The following RAPSN variants were observed in gnomAD, a reference collection of about 807,000 sequenced individuals.
RAPSN encodes the protein receptor associated protein of the synapse.
A neutral mutation model predicts 45.7 loss-of-function variants in RAPSN; 33 were observed. That is an observed-to-expected ratio of 0.72 (90% CI 0.55 to 0.97). The LOEUF (loss-of-function observed/expected upper bound fraction) is 0.97, where lower values mean the gene tolerates loss of function less well. Ranked by LOEUF, RAPSN falls within the 50% of genes least tolerant of loss-of-function variation. RAPSN has a pLI of 0.00. For missense variants in RAPSN, 519 were observed against 559.4 expected (o/e 0.93, Z 0.73); for synonymous variants, 244 against 233.6 (o/e 1.04, Z -0.40).
chr11:47,438,716 C>T lies in RAPSN; in HGVS notation c.1166+16G>A, dbSNP rs377580268. The T allele has an allele frequency of 5.9e-4, 915 of 1,554,278 alleles. 1 individual carries two copies. Among genetic ancestry groups the T allele is most frequent in the Non-Finnish European group, 7.6e-4 (870 of 1,147,372 alleles). ...AGATCCTGCCCACCCCTGTCCACCC[C>T]CCCAGGAGCCCCCACCTGAGGTGGA... On this transcript the variant is annotated intron_variant, in intron 7 of 7. Transcript: ENST00000298854.
intron 2 of RAPSN, 99 bp from the exon 3 acceptor site, chr11:47,442,913 AG>A (rs2076377311): frequency 2.5e-6 from 4 of 1,575,056 alleles, no homozygotes; most frequent in Non-Finnish European, 3.4e-6. Flanking sequence ...AGGTAGGGGC[AG>A]GGGGCCCGAG....
At chr11:47,438,352 C>G (rs1171502696) in intron 7 of RAPSN, 1 of 570,762 alleles carries the variant, frequency 1.8e-6, no homozygotes, top group Non-Finnish European at 3.1e-6. Flanking sequence ...GCCTCTCTGA[C>G]TCCTCTTTGG....
chr11:47,442,515 C>A, intron 3 of RAPSN, 141 bp downstream of exon 3: 2 of 916,956 alleles, frequency 2.2e-6, no homozygotes, highest in East Asian at 2.6e-5. Flanking sequence ...GTGGTGCACG[C>A]CTTTAGAGAG....
rs1490589340 is a variant in RAPSN at position 47,441,021 on chromosome 11, G to A, written c.966+138C>T. ...TGTGTGTGGCAGAGAAAGAGCCAGA[G>A]TATGGGGTTGGCTGCAGGCAGCTCC... On this transcript the variant is annotated intron_variant, in intron 6 of 7. Transcript: ENST00000298854. 5.8e-6 allele frequency: 6 copies of A among 1,035,752 alleles called. No individual in the cohort carries two copies. In the African/African-American group the frequency reaches 6.3e-5, roughly 11 times the overall value. The allele number at this position is 1,035,752 out of a possible 1,614,324, so 64.2% of individuals were successfully genotyped here.
Position 47,442,750 on chromosome 11 carries a change from C to A in RAPSN, c.596G>T (p.Gly199Val), listed in dbSNP as rs2076375518. Residue 199 changes from glycine to valine, a missense_variant, in exon 3 of 8, where the codon GGC becomes GTC. By Grantham distance (109) the Gly-to-Val change is moderately radical. Transcript: ENST00000298854. The stretch of plus-strand genomic sequence containing the variant: ...CATGGCCCGGTACTTCAGGCTCCAG[C>A]CTTTGCCATAGTTGTTGACAAGCTC... ...AAELVNNYGK[G>V]WSLKYRAMSQ... 1 of 1,614,146 alleles carries A rather than the reference C, an allele frequency of 6.2e-7. No individual in the cohort carries two copies. Among genetic ancestry groups the A allele is most frequent in the Non-Finnish European group, 8.5e-7 (1 of 1,180,060 alleles).
At chr11:47,445,104 GCCTGTAGTC>G (rs1272963493) in intron 2 of RAPSN, among the ~76,000 whole-genome samples, 3 of 150,852 alleles carry the variant, frequency 2.0e-5, no homozygotes, top group Non-Finnish European at 4.4e-5. Context: ...GGTGGCAGGC[GCCTGTAGTC>G]CCAGCTACTC....
rs2076421885 is a variant in RAPSN, at chr11:47,447,902, C to T, written c.441G>A (p.Glu147=). ...TGTTGTGGGCATAGCGCAGGGCCTTCTCGAAGCTCTCCAGGGCCTTCTGGA... is the reference window on the plus strand; with the variant it reads ...TGTTGTGGGCATAGCGCAGGGCCTTTTCGAAGCTCTCCAGGGCCTTCTGGA... The part of the protein sequence containing the change: ...SVFQKALESF[E]KALRYAHNND... The change falls in exon 2 of 8, where the codon GAG becomes GAA. Residue 147 remains glutamate (E), a synonymous_variant. Transcript: ENST00000298854. The T allele has an allele frequency of 6.2e-7, 1 of 1,613,264 alleles. No individual in the cohort carries two copies. Among genetic ancestry groups the T allele is most frequent in the Non-Finnish European group, 8.5e-7 (1 of 1,179,784 alleles).
In RAPSN at chr11:47,448,985, C is replaced by G. The variant is rs766716866; in HGVS notation, c.-21G>C. The G allele has an allele frequency of 6.8e-6, 11 of 1,614,104 alleles. No individual in the cohort carries two copies. In the East Asian group the frequency reaches 2.5e-4, roughly 36 times the overall value. ...CCCATCCTCCCCAAGCCCTGTGTCC[C>G]ACGTGGGGTGATCCCTGGTGGCTCC... On this transcript the variant is annotated 5_prime_UTR_variant, in exon 1 of 8. Coordinates refer to ENST00000298854, the MANE Select transcript of RAPSN (RefSeq NM_005055.5).
At position 47,438,943 on chromosome 11, in the gene RAPSN, A is replaced by G; in HGVS notation, c.967-12T>C. ...TTGAGCTGGCTCAGCTGGGGCCCGC[A>G]GGAGTGGAGAGCGCCAGTGGGGGAT... On this transcript the variant is annotated splice_polypyrimidine_tract_variant and intron_variant, in intron 6 of 7. Coordinates refer to ENST00000298854, the MANE Select transcript of RAPSN (RefSeq NM_005055.5). 6.4e-7 allele frequency: 1 copy of G among 1,552,780 alleles called. No homozygotes were observed. Among genetic ancestry groups the G allele is most frequent in the Non-Finnish European group, 8.7e-7 (1 of 1,148,230 alleles).
At chr11:47,442,940 T>C in intron 2 of RAPSN, 126 bp from the exon 3 acceptor site, 1 of 1,492,130 alleles carries the variant, frequency 6.7e-7, no homozygotes, top group Non-Finnish European at 9.1e-7. Flanking sequence ...GCTCATTCAT[T>C]GTGACATCCA....
chr11:47,439,074 T>C, intron 6 of RAPSN, 143 bp from the exon 7 acceptor site: 1 of 909,064 alleles, frequency 1.1e-6, no homozygotes, highest in Non-Finnish European at 1.7e-6. Context: ...CTTCCTTTCA[T>C]GCAGAATGAG....
At chr11:47,443,142 C>T (rs962755414) in intron 2 of RAPSN, among the ~76,000 whole-genome samples, 11 of 152,156 alleles carry the variant, frequency 7.2e-5, no homozygotes, top group African/African-American at 2.7e-4. Context: ...TCTTTTCTCC[C>T]AATGCCAAAT....
rs778622975 is a variant in RAPSN at position 47,438,865 on chromosome 11, G to A, written c.1033C>T (p.Leu345=). The change falls in exon 7 of 8, where the codon CTG becomes TTG. Residue 345 remains leucine, a synonymous_variant. Coordinates refer to ENST00000298854, the MANE Select transcript of RAPSN (RefSeq NM_005055.5). The part of the protein sequence containing the change: ...IYRSKGLQRE[L]RAHVVRFHEC... ...TGGAACCTCACAACGTGCGCCCGCAGTTCCCGCTGCAGCCCTTTGCTGCGG... is the reference window on the plus strand; with the variant it reads ...TGGAACCTCACAACGTGCGCCCGCAATTCCCGCTGCAGCCCTTTGCTGCGG... The A allele has an allele frequency of 5.1e-6, 8 of 1,567,732 alleles. No individual in the cohort carries two copies. The highest frequency in any genetic ancestry group is 6.9e-6 in the Non-Finnish European group (8 of 1,155,704).
chr11:47,441,399 T>C, intron 5 of RAPSN, 187 bp from the exon 6 acceptor site: 1 of 1,183,388 alleles, frequency 8.5e-7, no homozygotes, highest in South Asian at 1.4e-5. Flanking sequence ...CCTGCCTCAG[T>C]TTACCCAGGG....
intron 6 of RAPSN, 47 bp downstream of exon 6, chr11:47,441,112 C>T (rs2076358713): frequency 6.2e-7 from 1 of 1,609,702 alleles, no homozygotes; most frequent in East Asian, 2.2e-5. Context: ...CCAAGTTCCC[C>T]ACTTGGGCCC....
At position 47,441,744 on chromosome 11, in the gene RAPSN, A is replaced by G; in HGVS notation, c.790-11T>C. 1 of 1,606,146 alleles carries G rather than the reference A, an allele frequency of 6.2e-7. No individual in the cohort carries two copies. Among genetic ancestry groups the G allele is most frequent in the Non-Finnish European group, 8.5e-7 (1 of 1,179,814 alleles). The stretch of plus-strand genomic sequence containing the variant: ...CCTGGGGAAGGCTGTCTGCAGAGCC[A>G]GGTGGGGGATGGAATCAGGCTGTAT... On this transcript the variant is annotated splice_polypyrimidine_tract_variant and intron_variant, in intron 4 of 7. Transcript: ENST00000298854.
At chr11:47,447,746 G>T (rs572658974) in intron 2 of RAPSN, 66 bp downstream of exon 2, 13 of 1,501,006 alleles carry the variant, frequency 8.7e-6, no homozygotes, top group Admixed American at 3.8e-5. Flanking sequence ...GTGCCACAGG[G>T]TGTGTGCCTC....
At position 47,447,852 on chromosome 11, in the gene RAPSN, C is replaced by T. The variant is rs374588028; in HGVS notation, c.491G>A (p.Arg164His). The T allele has an allele frequency of 5.0e-6, 8 of 1,613,266 alleles. No homozygotes were observed. Among genetic ancestry groups the T allele is most frequent in the Middle Eastern group, 1.6e-4 (1 of 6,082 alleles). ...GAAGCTGCCCAGGCTGCAGCACACG[C>T]GGCACTCGAGCATGGCGTCATCATT... ...HNNDDAMLEC[R>H]VCCSLGSFYA... The change falls in exon 2 of 8, where the codon CGC becomes CAC. Residue 164 changes from arginine to histidine, a missense_variant. By Grantham distance (29) the Arg-to-His change is conservative (BLOSUM62 0). Transcript: ENST00000298854.
At chr11:47,448,432 G>A (rs1336749701) in intron 1 of RAPSN, among the ~76,000 whole-genome samples, 2 of 59,040 alleles carry the variant, frequency 3.4e-5, no homozygotes, top group Admixed American at 2.1e-4. Context: ...ACCCCCAGCC[G>A]CAACCCTGGA....
Sources: allele counts gnomAD v4.1 joint callset (sites outside exome capture counted in the v4.1 genomes callset), GRCh38; gene constraint gnomAD v4.1.1; transcripts MANE v1.5; gene names NCBI Gene and HGNC (gene_info 2026-07-23, HGNC 2026-07-21).